WDR27: variants seen among roughly 807,000 people sequenced by gnomAD.
The protein encoded by WDR27 is WD repeat domain 27.
In WDR27, 100 loss-of-function variants were observed where a neutral mutation model predicts 114.4. The ratio of observed to expected loss-of-function variants is 0.87; its 90% CI spans 0.74 to 1.03. WDR27 has a LOEUF of 1.03. Among genes scored for constraint, WDR27 ranks in the 50% least tolerant of loss-of-function variants. The probability of loss-of-function intolerance (pLI) is 0.00; values close to 1 mark genes in which losing one functional copy is unlikely to be tolerated. For synonymous variants in WDR27, 449 were observed against 423.1 expected (o/e 1.06, Z -0.75); for missense variants, 1,129 against 1,092.9 (o/e 1.03, Z -0.47).
At chr6:169,428,374 G>A in the WDR27 span, among the ~76,000 whole-genome samples, 1 of 152,256 alleles carries the variant, frequency 6.6e-6, no homozygotes, top group African/African-American at 2.4e-5. Context: ...ATTTCAGAAA[G>A]TTTAGAGTGG....
At chr6:169,459,370 G>A (rs1364411266) in intron 25 of WDR27, among the ~76,000 whole-genome samples, 1 of 151,874 alleles carries the variant, frequency 6.6e-6, no homozygotes, top group African/African-American at 2.4e-5. Context: ...AGAAAAAATA[G>A]AAACTATCAA....
rs1816775900 is a variant in WDR27, at chr6:169,632,970, C to T, written c.2200G>A (p.Val734Ile). 6.3e-7 allele frequency: 1 copy of T among 1,587,644 alleles called. No homozygotes were observed. The highest frequency in any genetic ancestry group is 8.6e-7 in the Non-Finnish European group (1 of 1,159,620). ...ACTTTATTTTGGCAGATTTGATGGA[C>T]AGGCCGTGAGTGGGCTTCCGCTATC... is the stretch of plus-strand genomic sequence containing the variant. ...AVIAEAHSRP[V>I]HQICQNKGSS... Residue 734 changes from valine (V) to isoleucine (I), a missense_variant, in exon 21 of 26, where the codon GTC becomes ATC. Coordinates refer to ENST00000448612, the MANE Select transcript of WDR27 (RefSeq NM_182552.5).
At chr6:169,701,274 AT>A (rs1787942631) in intron 1 of WDR27, among the ~76,000 whole-genome samples, 1 of 152,210 alleles carries the variant, frequency 6.6e-6, no homozygotes, top group Non-Finnish European at 1.5e-5. Flanking sequence ...ATTAGAAAAG[AT>A]CGAAATTTTT....
In WDR27 at chr6:169,464,902, C is replaced by T. The variant is rs1339603043; in HGVS notation, c.2646-7268G>A. 3.9e-5 allele frequency among the ~76,000 whole-genome samples: 6 copies of T among 152,356 alleles called. No homozygotes were observed. The East Asian group carries it at 9.6e-4, about 25-fold the overall frequency. Reference sequence around the variant, plus strand: ...CTTTGGGAGGCCAAGGTGGGCAGATCACCTGAGGTCAGGAGTTCAAGACCA... The same window carrying T: ...CTTTGGGAGGCCAAGGTGGGCAGATTACCTGAGGTCAGGAGTTCAAGACCA... On this transcript the variant is annotated intron_variant, in intron 25 of 25. Coordinates refer to ENST00000448612, the MANE Select transcript of WDR27 (RefSeq NM_182552.5).
chr6:169,653,648 G>A (rs1320673178), intron 13 of WDR27, among the ~76,000 whole-genome samples: 1 of 152,172 alleles, frequency 6.6e-6, no homozygotes, highest in Non-Finnish European at 1.5e-5. Flanking sequence ...TAACACACTG[G>A]TTAGGTATTC....
chr6:169,664,634 TG>T (rs1827272708), intron 7 of WDR27: 1 of 1,091,468 alleles, frequency 9.2e-7, no homozygotes, highest in Non-Finnish European at 1.1e-6. Context: ...CCACATGCCC[TG>T]GGTGAGAAGA....
intron 8 of WDR27, among the ~76,000 whole-genome samples, chr6:169,663,052 A>G (rs974796765): frequency 2.1e-5 from 3 of 145,142 alleles, no homozygotes; most frequent in Admixed American, 6.9e-5. Context: ...GATGATGTGT[A>G]TGCACCATGG....
intron 25 of WDR27, among the ~76,000 whole-genome samples, chr6:169,492,221 T>A (rs117368042): frequency 0.017 from 2,526 of 150,538 alleles, 28 homozygotes; most frequent in Non-Finnish European, 0.024. Context: ...ATAAGAATTT[T>A]GAAAAAAAAA....
intron 1 of WDR27, among the ~76,000 whole-genome samples, chr6:169,689,472 G>A (rs998528142): frequency 6.6e-6 from 1 of 152,208 alleles, no homozygotes; most frequent in East Asian, 1.9e-4. Flanking sequence ...TTAGGAAACT[G>A]CAATTGGAAC....
chr6:169,464,762 C>T (rs1785337935), intron 25 of WDR27, among the ~76,000 whole-genome samples: 2 of 152,176 alleles, frequency 1.3e-5, no homozygotes, highest in South Asian at 4.1e-4. Flanking sequence ...CCAATTTAAA[C>T]AATGGACAAG....
chr6:169,632,971 A>G lies in WDR27; in HGVS notation c.2199T>C (p.Pro733=), dbSNP rs186791845. Reference sequence around the variant, plus strand: ...CTTTATTTTGGCAGATTTGATGGACAGGCCGTGAGTGGGCTTCCGCTATCA... The same window carrying G: ...CTTTATTTTGGCAGATTTGATGGACGGGCCGTGAGTGGGCTTCCGCTATCA... ...AAVIAEAHSR[P]VHQICQNKGS... is the part of the protein sequence containing the mutation. The change falls in exon 21 of 26, where the codon CCT becomes CCC. Residue 733 remains proline, a synonymous_variant. Transcript: ENST00000448612. 1.3e-6 allele frequency: 2 copies of G among 1,588,194 alleles called. No homozygotes were observed. The highest frequency in any genetic ancestry group is 3.4e-5 in the Admixed American group (2 of 59,672).
chr6:169,688,800 T>C lies in WDR27; in HGVS notation c.189+17A>G, dbSNP rs1323603982. ...GGCAAGGCCTTCATGACACTGGACA[T>C]GTAACTCGTTCAATACCTGATGAGA... is the stretch of plus-strand genomic sequence containing the variant. On this transcript the variant is annotated intron_variant, in intron 2 of 25. Transcript: ENST00000448612. 3.8e-6 allele frequency: 6 copies of C among 1,581,268 alleles called. No individual in the cohort carries two copies. Among genetic ancestry groups the C allele is most frequent in the South Asian group, 1.2e-5 (1 of 84,962 alleles).
chr6:169,647,684 T>A, intron 16 of WDR27, 89 bp downstream of exon 16: 1 of 1,145,044 alleles, frequency 8.7e-7, no homozygotes, highest in Non-Finnish European at 1.3e-6. Context: ...ATATTTACAA[T>A]TATGATACAA....
intron 6 of WDR27, among the ~76,000 whole-genome samples, chr6:169,665,867 C>G (rs1827711782): frequency 6.6e-6 from 1 of 152,206 alleles, no homozygotes; most frequent in Admixed American, 6.5e-5. Flanking sequence ...TGGGCTTAAA[C>G]CACGGCCCAG....
At chr6:169,536,506 C>T (rs1440384908) in intron 25 of WDR27, among the ~76,000 whole-genome samples, 1 of 152,174 alleles carries the variant, frequency 6.6e-6, no homozygotes, top group African/African-American at 2.4e-5. Flanking sequence ...ACTAATGAAA[C>T]TGGTCTTATT....
At chr6:169,495,284 G>C (rs539981681) in intron 25 of WDR27, among the ~76,000 whole-genome samples, 1 of 151,966 alleles carries the variant, frequency 6.6e-6, no homozygotes. Flanking sequence ...TAATATATGA[G>C]ACACAGTAAA....
At chr6:169,676,644 T>C (rs1457752821) in intron 2 of WDR27, among the ~76,000 whole-genome samples, 1 of 152,214 alleles carries the variant, frequency 6.6e-6, no homozygotes, top group Admixed American at 6.5e-5. Context: ...TTATGTATAT[T>C]GGGGACCTTG....
At chr6:169,578,342 T>TATGA in intron 24 of WDR27, among the ~76,000 whole-genome samples, 1 of 152,340 alleles carries the variant, frequency 6.6e-6, no homozygotes, top group South Asian at 2.1e-4. Flanking sequence ...AAAGTCCTCT[T>TATGA]ATGAATGTGA....
At chr6:169,678,791 A>G (rs1463024026) in intron 2 of WDR27, among the ~76,000 whole-genome samples, 1 of 152,210 alleles carries the variant, frequency 6.6e-6, no homozygotes, top group Non-Finnish European at 1.5e-5. Context: ...TCCTTGCCAT[A>G]CCTTGAAATT....
Sources: allele counts gnomAD v4.1 joint callset (sites outside exome capture counted in the v4.1 genomes callset), GRCh38; gene constraint gnomAD v4.1.1; transcripts MANE v1.5; gene names NCBI Gene and HGNC (gene_info 2026-07-23, HGNC 2026-07-21).